LCP2: variants seen among roughly 807,000 people sequenced by gnomAD.
LCP2 encodes lymphocyte cytosolic protein 2.
Under a neutral mutation model 74.5 loss-of-function variants are expected in LCP2, and 29 were observed. That is an observed-to-expected ratio of 0.39 (90% CI 0.29 to 0.53). LCP2 has a LOEUF of 0.53. LCP2 is among the 20% of genes least tolerant of loss of function. The pLI is 0.72. For synonymous variants in LCP2, 228 were observed against 229.5 expected (o/e 0.99, Z 0.06); for missense variants, 604 against 634.6 (o/e 0.95, Z 0.52).
At chr5:170,261,372 T>C (rs1370596623) in intron 13 of LCP2, among the ~76,000 whole-genome samples, 2 of 150,332 alleles carry the variant, frequency 1.3e-5, no homozygotes, top group Admixed American at 6.7e-5. Context: ...TCTGCATAAC[T>C]AATGCAGCAA....
chr5:170,273,495 G>T (rs1009985113), intron 6 of LCP2, among the ~76,000 whole-genome samples: 1 of 152,090 alleles, frequency 6.6e-6, no homozygotes, highest in African/African-American at 2.4e-5. Flanking sequence ...GAAGGCACTA[G>T]AGGTGGCCTC....
chr5:170,261,276 C>T (rs1181912059), intron 13 of LCP2, 139 bp from the exon 14 acceptor site: 2 of 669,494 alleles, frequency 3.0e-6, no homozygotes, highest in South Asian at 3.5e-5. Flanking sequence ...AACAGACCCC[C>T]ACAGAGCAGG....
At chr5:170,289,599 C>CTT (rs200593430) in intron 2 of LCP2, among the ~76,000 whole-genome samples, 21 of 146,094 alleles carry the variant, frequency 1.4e-4, no homozygotes, top group African/African-American at 5.2e-4. Flanking sequence ...CCTTTTCTTT[C>CTT]TTTCTTTCTT....
At chr5:170,269,730 C>T (rs780595718) in intron 7 of LCP2, among the ~76,000 whole-genome samples, 2 of 152,174 alleles carry the variant, frequency 1.3e-5, no homozygotes, top group African/African-American at 4.8e-5. Flanking sequence ...TTGGAGGGTG[C>T]GTCACCTGCC....
Position 170,260,077 on chromosome 5 carries a change from G to A in LCP2, c.957+1030C>T, listed in dbSNP as rs533757570. 2.6e-5 allele frequency among the ~76,000 whole-genome samples: 4 copies of A among 152,258 alleles called. No individual in the cohort carries two copies. In the East Asian group the frequency reaches 5.8e-4, roughly 22 times the overall value. ...TCCACCTGCTCAGGACACTCCTGAG[G>A]GGAATCCCCATGGGCTTTCTTTAAG... is the stretch of plus-strand genomic sequence containing the variant. On this transcript the variant is annotated intron_variant, in intron 14 of 20. Transcript: ENST00000046794.
At chr5:170,276,429 G>A (rs774437028) in intron 3 of LCP2, among the ~76,000 whole-genome samples, 14 of 152,122 alleles carry the variant, frequency 9.2e-5, no homozygotes, top group Non-Finnish European at 1.8e-4. Flanking sequence ...TTGGTGATGC[G>A]GATTCTTATA....
chr5:170,282,801 C>T lies in LCP2; in HGVS notation c.188+5169G>A, dbSNP rs539250999. Among the ~76,000 whole-genome samples the T allele has an allele frequency of 3.3e-5, 5 of 152,360 alleles. No individual in the cohort carries two copies. The East Asian group carries it at 9.6e-4, about 29-fold the overall frequency. ...TGAGCTAGCTTGCCCTCAAGTCTCA[C>T]AGCCTGTGAATGGAAGGATTGGGTC... On this transcript the variant is annotated intron_variant, in intron 3 of 20. Transcript: ENST00000046794.
At chr5:170,275,183 TG>T in intron 5 of LCP2, 136 bp downstream of exon 5, 2 of 906,468 alleles carry the variant, frequency 2.2e-6, no homozygotes, top group South Asian at 1.5e-5. Context: ...AACCCTTTTC[TG>T]GGTAAGAACT....
In LCP2 at chr5:170,258,156, T is replaced by G. The variant is rs1761591494; in HGVS notation, c.981A>C (p.Arg327Ser). The change falls in exon 16 of 21, where the codon AGA becomes AGC. Residue 327 changes from arginine (R) to serine (S), a missense_variant. Physicochemically the swap from Arg to Ser is moderately radical, Grantham distance 110. Coordinates refer to ENST00000046794, the MANE Select transcript of LCP2 (RefSeq NM_005565.5). Reference protein sequence around the residue: ...RENDEDDVHQRPLPQPALLPM... With the variant: ...RENDEDDVHQSPLPQPALLPM... ...GAAGTAGTGCTGGCTGGGGCAAAGG[T>G]CTCTGATGCACTGTGCAGAAGTAGA... 5.0e-6 allele frequency: 8 copies of G among 1,613,878 alleles called. No homozygotes were observed. The highest frequency in any genetic ancestry group is 4.5e-5 in the East Asian group (2 of 44,880).
intron 10 of LCP2, among the ~76,000 whole-genome samples, 151 bp from the exon 11 acceptor site, chr5:170,263,143 G>A (rs1029236045): frequency 6.6e-6 from 1 of 151,996 alleles, no homozygotes. Flanking sequence ...GACTAGGAAG[G>A]GTCCGTTAGA....
chr5:170,284,189 C>G (rs967524247), intron 3 of LCP2, among the ~76,000 whole-genome samples: 2 of 152,228 alleles, frequency 1.3e-5, no homozygotes, highest in South Asian at 4.1e-4. Flanking sequence ...TCAAGGGCCA[C>G]GTACATACAC....
In LCP2 at chr5:170,270,870, A is replaced by G; in HGVS notation, c.372T>C (p.Asp124=). Residue 124 remains aspartate, a synonymous_variant, in exon 7 of 21, where the codon GAT becomes GAC. Coordinates refer to ENST00000046794, the MANE Select transcript of LCP2 (RefSeq NM_005565.5). ...CATTGGGGGACTCATAGTCTCCATC[A>G]TCCTCCCCATCCTGGTCATCATTGG... The part of the protein sequence containing the change: ...ESPNDDQDGE[D]DGDYESPNEE... The G allele has an allele frequency of 6.2e-7, 1 of 1,612,854 alleles. No individual in the cohort carries two copies. The highest frequency in any genetic ancestry group is 8.5e-7 in the Non-Finnish European group (1 of 1,179,402).
intron 1 of LCP2, among the ~76,000 whole-genome samples, chr5:170,296,978 C>T (rs774294096): frequency 2.8e-4 from 43 of 152,220 alleles, no homozygotes; most frequent in Admixed American, 5.9e-4. Flanking sequence ...TGGCACTGCT[C>T]ATCATAGTCC....
At chr5:170,275,952 TG>T (rs1357961607) in intron 3 of LCP2, 92 bp from the exon 4 acceptor site, 6 of 1,188,194 alleles carry the variant, frequency 5.0e-6, no homozygotes, top group Non-Finnish European at 7.3e-6. Context: ...TATAGAAACT[TG>T]GGGCACCAGG....
At chr5:170,254,047 A>G (rs1438493431) in intron 17 of LCP2, among the ~76,000 whole-genome samples, 1 of 152,214 alleles carries the variant, frequency 6.6e-6, no homozygotes, top group Non-Finnish European at 1.5e-5. Flanking sequence ...TCATTCATTC[A>G]TACCTTCAAC....
In LCP2 at chr5:170,256,821, C is replaced by T. The variant is rs1214211471; in HGVS notation, c.1101-246G>A. 6.6e-6 allele frequency among the ~76,000 whole-genome samples: 1 copy of T among 152,228 alleles called. No homozygotes were observed. Among genetic ancestry groups the T allele is most frequent in the Non-Finnish European group, 1.5e-5 (1 of 68,034 alleles). ...AAAGCAGAACAGCAACAACATTCAA[C>T]TGTGTAAAGGGCACTTAACAGTTAC... On this transcript the variant is annotated intron_variant, in intron 16 of 20. Coordinates refer to ENST00000046794, the MANE Select transcript of LCP2 (RefSeq NM_005565.5). The surrounding 1 kb of genome is among the most constrained non-coding windows in gnomAD (Gnocchi z 4.5).
intron 13 of LCP2, among the ~76,000 whole-genome samples, chr5:170,261,518 G>C (rs1457901605): frequency 6.6e-6 from 1 of 151,868 alleles, no homozygotes; most frequent in East Asian, 1.9e-4. Flanking sequence ...CTCTTTAGTA[G>C]CTATTAAATT....
chr5:170,249,357 C>CAT (rs1554139295), intron 20 of LCP2, among the ~76,000 whole-genome samples: 6 of 104,558 alleles, frequency 5.7e-5, no homozygotes, highest in Non-Finnish European at 1.0e-4. Context: ...TATGTGCATG[C>CAT]GTGTGTATAT....
chr5:170,250,939 T>G, intron 19 of LCP2, 54 bp from the exon 20 acceptor site: 1 of 1,500,526 alleles, frequency 6.7e-7, no homozygotes, highest in South Asian at 1.2e-5. Context: ...ATATTTTTGT[T>G]GCTTGTAAGA....
Sources: allele counts gnomAD v4.1 joint callset (sites outside exome capture counted in the v4.1 genomes callset), GRCh38; gene constraint gnomAD v4.1.1; non-coding constraint Gnocchi (gnomAD v3.1); transcripts MANE v1.5; gene names NCBI Gene and HGNC (gene_info 2026-07-23, HGNC 2026-07-21).